MAML3: variants seen among roughly 807,000 people sequenced by gnomAD.
MAML3 encodes the protein mastermind-like protein 3.
Under a neutral mutation model 101.9 loss-of-function variants are expected in MAML3, and 27 were observed. The ratio of observed to expected loss-of-function variants is 0.27; its 90% CI spans 0.20 to 0.37. The LOEUF is 0.37. MAML3 is among the 10% of genes least tolerant of loss of function. The pLI, the probability that MAML3 is intolerant of heterozygous loss-of-function variation, is 1.00. For synonymous variants in MAML3, 501 were observed against 555.9 expected, an observed-to-expected ratio of 0.90 and a Z score of 1.39; for missense variants, 1,316 against 1,444.9, an observed-to-expected ratio of 0.91 and a Z score of 1.45.
intron 1 of MAML3, among the ~76,000 whole-genome samples, chr4:139,927,030 G>C (rs1292767798): frequency 6.6e-6 from 1 of 151,322 alleles, no homozygotes; most frequent in Admixed American, 6.6e-5. Context: ...TTTGTAGAAT[G>C]TCCTTCAGTT....
intron 1 of MAML3, among the ~76,000 whole-genome samples, chr4:140,024,373 G>A (rs1238975452): frequency 1.3e-5 from 2 of 152,102 alleles, no homozygotes; most frequent in Non-Finnish European, 2.9e-5. Flanking sequence ...GACTATAGGT[G>A]CACATCACTG....
In MAML3 at chr4:139,840,646, A is replaced by C. The variant is rs141061617; in HGVS notation, c.2079+48711T>G. Among the ~76,000 whole-genome samples, 289 of 152,342 alleles carry C rather than the reference A, an allele frequency of 1.9e-3. 1 individual carries two copies. The highest frequency in any genetic ancestry group is 6.8e-3 in the Middle Eastern group (2 of 294). On this transcript the variant is annotated intron_variant, in intron 2 of 4. Transcript: ENST00000509479. ...TCATTGAACTTGAGAAAATGCACTA[A>C]TTATCCTTACATCCTTATGAACAGG...
intron 2 of MAML3, among the ~76,000 whole-genome samples, chr4:139,814,708 G>A (rs774721010): frequency 1.2e-4 from 18 of 152,106 alleles, no homozygotes; most frequent in Non-Finnish European, 1.8e-4. Context: ...TGCTGATAAT[G>A]TAGTTTCTGG....
At chr4:139,918,542 T>C (rs1733067448) in intron 1 of MAML3, among the ~76,000 whole-genome samples, 1 of 152,254 alleles carries the variant, frequency 6.6e-6, no homozygotes, top group Non-Finnish European at 1.5e-5. Flanking sequence ...ACTTGTACTT[T>C]ATCGTGTCCT....
intron 2 of MAML3, among the ~76,000 whole-genome samples, chr4:139,816,361 G>C (rs986387356): frequency 6.6e-6 from 1 of 152,158 alleles, no homozygotes; most frequent in Non-Finnish European, 1.5e-5. Context: ...GCAGCAGTGC[G>C]GCCGACCCTC....
At chr4:139,811,008 A>G (rs531696149) in intron 2 of MAML3, among the ~76,000 whole-genome samples, 2 of 152,304 alleles carry the variant, frequency 1.3e-5, no homozygotes, top group African/African-American at 4.8e-5. Flanking sequence ...AGCAGTGAAG[A>G]TGTCATTCTG....
chr4:139,723,575 G>T (rs940458024), intron 4 of MAML3, among the ~76,000 whole-genome samples: 1 of 152,094 alleles, frequency 6.6e-6, no homozygotes, highest in Admixed American at 6.5e-5. Flanking sequence ...GCCTCCCAAC[G>T]TGCTGGGATT....
At chr4:139,864,321 C>A (rs1034730379) in intron 2 of MAML3, among the ~76,000 whole-genome samples, 1 of 152,112 alleles carries the variant, frequency 6.6e-6, no homozygotes, top group African/African-American at 2.4e-5. Context: ...CAAATTCACA[C>A]TCCAGTATAA....
chr4:140,080,435 A>C (rs760124839), intron 1 of MAML3, among the ~76,000 whole-genome samples: 9 of 152,222 alleles, frequency 5.9e-5, no homozygotes, highest in Non-Finnish European at 1.2e-4. Context: ...AGAAATTTAA[A>C]AGTGCATGGT....
chr4:139,953,783 A>G (rs1733869946), intron 1 of MAML3, among the ~76,000 whole-genome samples: 1 of 152,210 alleles, frequency 6.6e-6, no homozygotes. Flanking sequence ...TGAAAACTCA[A>G]GGGAGGGGTA....
intron 1 of MAML3, among the ~76,000 whole-genome samples, chr4:140,003,117 G>T (rs191360375): frequency 2.4e-4 from 37 of 152,294 alleles, no homozygotes; most frequent in Admixed American, 8.5e-4. Flanking sequence ...GAAGATTTAG[G>T]GTTCTAGAGC....
chr4:139,719,295 G>T lies in MAML3; in HGVS notation c.*28C>A, dbSNP rs773415307. The T allele has an allele frequency of 3.9e-6, 6 of 1,535,954 alleles. No homozygotes were observed. The highest frequency in any genetic ancestry group is 5.3e-6 in the Non-Finnish European group (6 of 1,141,924). On this transcript the variant is annotated 3_prime_UTR_variant, in exon 5 of 5. Coordinates refer to ENST00000509479, the MANE Select transcript of MAML3 (RefSeq NM_018717.5). Reference sequence around the variant, plus strand: ...TTCACTTTTTAAGCTTTAACCACTCGAGTTGTGGATCTTGGGGCCTCTCTT... The same window carrying T: ...TTCACTTTTTAAGCTTTAACCACTCTAGTTGTGGATCTTGGGGCCTCTCTT...
intron 1 of MAML3, among the ~76,000 whole-genome samples, chr4:140,006,242 G>A (rs1726443267): frequency 1.3e-5 from 2 of 151,968 alleles, no homozygotes; most frequent in Admixed American, 6.6e-5. Context: ...AAGGGGGAGG[G>A]GTCCATAGCA....
Position 139,890,034 on chromosome 4 carries a change from G to A in MAML3, c.1402C>T (p.Leu468Phe). 6.2e-7 allele frequency: 1 copy of A among 1,607,748 alleles called. No individual in the cohort carries two copies. The highest frequency in any genetic ancestry group is 1.3e-5 in the African/African-American group (1 of 74,986). Residue 468 changes from leucine to phenylalanine, a missense_variant, in exon 2 of 5, where the codon CTC becomes TTC. Physicochemically the swap from Leu to Phe is conservative, Grantham distance 22. Coordinates refer to ENST00000509479, the MANE Select transcript of MAML3 (RefSeq NM_018717.5). This position sits in a 1 kb window ranked among gnomAD's most constrained non-coding sequence, Gnocchi z 4.1. ...TGCTGCTGTGCAGCCATCTGTTTGAGCTGTTCTGCTGGAGACATGTCAGAG... is the reference window on the plus strand; with the variant it reads ...TGCTGCTGTGCAGCCATCTGTTTGAACTGTTCTGCTGGAGACATGTCAGAG... The part of the protein sequence containing the change: ...PSSDMSPAEQ[L>F]KQMAAQQQQR...
rs910540468 is a variant in MAML3 at position 139,932,909 on chromosome 4, C to T, written c.469-41942G>A. 5.9e-5 allele frequency among the ~76,000 whole-genome samples: 9 copies of T among 152,312 alleles called. No homozygotes were observed. In the East Asian group the frequency reaches 1.2e-3, roughly 20 times the overall value. On this transcript the variant is annotated intron_variant, in intron 1 of 4. Transcript: ENST00000509479. ...ACCCAACCCAAGGAAAACCCGTGGT[C>T]TCTGTATGACACAGATTGGCTTGAA...
intron 1 of MAML3, among the ~76,000 whole-genome samples, chr4:140,092,073 T>C (rs1212967946): frequency 8.4e-5 from 6 of 71,364 alleles, no homozygotes; most frequent in Non-Finnish European, 1.2e-4. Flanking sequence ...TATATATATA[T>C]ACGTATATAT....
At chr4:140,122,530 C>T (rs1728622691) in intron 1 of MAML3, among the ~76,000 whole-genome samples, 1 of 152,060 alleles carries the variant, frequency 6.6e-6, no homozygotes, top group African/African-American at 2.4e-5. Flanking sequence ...CGGTGGCTCA[C>T]GCCTGTAATC....
At chr4:140,136,246 C>T (rs1431940590) in intron 1 of MAML3, among the ~76,000 whole-genome samples, 4 of 152,174 alleles carry the variant, frequency 2.6e-5, no homozygotes, top group African/African-American at 9.7e-5. Flanking sequence ...CATCCCATAG[C>T]CTTGACTGTG....
rs1035043895 is a variant in MAML3 at position 140,090,834 on chromosome 4, T to C, written c.468+62026A>G. On this transcript the variant is annotated intron_variant, in intron 1 of 4. Transcript: ENST00000509479. Reference sequence around the variant, plus strand: ...GGGAGGCTGACGCTGGCAGATAACTTAAGGTTGCAAGTTTGAGACCAGCCT... The same window carrying C: ...GGGAGGCTGACGCTGGCAGATAACTCAAGGTTGCAAGTTTGAGACCAGCCT... Among the ~76,000 whole-genome samples the C allele has an allele frequency of 5.9e-5, 9 of 152,116 alleles. No individual in the cohort carries two copies. The East Asian group carries it at 1.5e-3, about 26-fold the overall frequency.
Sources: gnomAD v4.1 joint callset for allele counts (sites outside exome capture counted in the v4.1 genomes callset) on GRCh38, gnomAD v4.1.1 for gene constraint, Gnocchi (gnomAD v3.1) non-coding constraint, MANE v1.5 for transcripts, NCBI Gene and HGNC (gene_info 2026-07-23, HGNC 2026-07-21) for gene names.